BRCA1: variants seen among roughly 807,000 people sequenced by gnomAD.
BRCA1 encodes the protein breast cancer type 1 susceptibility protein.
Under a neutral mutation model 173.7 loss-of-function variants are expected in BRCA1, and 140 were observed. The ratio of observed to expected loss-of-function variants is 0.81; its 90% CI spans 0.70 to 0.93. The LOEUF is 0.93. Among genes scored for constraint, BRCA1 ranks in the 40% least tolerant of loss-of-function variants. The pLI, the probability that BRCA1 is intolerant of heterozygous loss-of-function variation, is 0.00. For synonymous variants in BRCA1, 662 were observed against 756.0 expected (o/e 0.88, Z 2.04); for missense variants, 1,983 against 2,172.5 (o/e 0.91, Z 1.73).
At chr17:43,071,859 T>A in intron 14 of BRCA1, among the ~76,000 whole-genome samples, 1 of 149,566 alleles carries the variant, frequency 6.7e-6, no homozygotes, top group Middle Eastern at 3.2e-3. Flanking sequence ...AAAAAAAAAA[T>A]TAGCTGGGCG....
intron 4 of BRCA1, among the ~76,000 whole-genome samples, chr17:43,105,212 A>C (rs2054709458): frequency 6.6e-6 from 1 of 152,130 alleles, no homozygotes; most frequent in Admixed American, 6.6e-5. Context: ...AGCAGATATA[A>C]TGCATTGCAT....
intron 12 of BRCA1, chr17:43,079,314 A>C: frequency 6.3e-7 from 1 of 1,577,646 alleles, no homozygotes; most frequent in East Asian, 2.2e-5. Flanking sequence ...GACGAACACA[A>C]AGGGAAAGAG....
At chr17:43,048,623 T>C (rs1354896947) in intron 21 of BRCA1, among the ~76,000 whole-genome samples, 1 of 151,132 alleles carries the variant, frequency 6.6e-6, no homozygotes, top group Non-Finnish European at 1.5e-5. Context: ...CAAGCGATGC[T>C]CACACCTCAA....
At chr17:43,139,350 A>G (rs1250161470) in intron 1 of BRCA1, among the ~76,000 whole-genome samples, 1 of 151,528 alleles carries the variant, frequency 6.6e-6, no homozygotes, top group Non-Finnish European at 1.5e-5. Context: ...CACTAGGCCT[A>G]ATACCCGATA....
chr17:43,056,904 G>T, intron 19 of BRCA1, 148 bp downstream of exon 19: 1 of 779,172 alleles, frequency 1.3e-6, no homozygotes, highest in Non-Finnish European at 2.3e-6. Flanking sequence ...TGGGATGGAA[G>T]AGTGAAAAAA....
chr17:43,168,130 T>C (rs796286246), intron 1 of BRCA1: 31 of 334,600 alleles, frequency 9.3e-5, no homozygotes, highest in African/African-American at 6.7e-4. Context: ...GAGATAATCA[T>C]ATAGGAATCC....
At chr17:43,161,322 A>G (rs1336300435) in intron 1 of BRCA1, 5 of 152,216 alleles carry the variant, frequency 3.3e-5, no homozygotes, top group Non-Finnish European at 7.3e-5. Flanking sequence ...CTTGTGCCTA[A>G]GTAGCAGGCC....
chr17:43,083,950 G>A (rs1300490146), intron 11 of BRCA1, among the ~76,000 whole-genome samples: 1 of 151,916 alleles, frequency 6.6e-6, no homozygotes, highest in Non-Finnish European at 1.5e-5. Context: ...TGCAACCTCC[G>A]CCTACCTGGT....
chr17:43,075,821 G>C (rs563825584), intron 13 of BRCA1, among the ~76,000 whole-genome samples: 1 of 152,220 alleles, frequency 6.6e-6, no homozygotes, highest in South Asian at 2.1e-4. Flanking sequence ...ACACATCTCT[G>C]AAAGATATTC....
chr17:43,144,016 C>T (rs1459889204), intron 1 of BRCA1, among the ~76,000 whole-genome samples: 7 of 151,980 alleles, frequency 4.6e-5, no homozygotes, highest in Admixed American at 3.3e-4. Flanking sequence ...GTCAGGAGAT[C>T]GAGACCATCC....
intron 19 of BRCA1, 120 bp from the exon 20 acceptor site, chr17:43,051,237 C>G (rs1597804704): frequency 1.1e-6 from 1 of 906,532 alleles, no homozygotes; most frequent in East Asian, 2.6e-5. Context: ...TTTTCTTTTT[C>G]TTCTGTTCAC....
At chr17:43,128,023 C>CAA (rs61243891), upstream of BRCA1, among the ~76,000 whole-genome samples, 198 of 24,960 alleles carry the variant, frequency 7.9e-3, 21 homozygotes, top group African/African-American at 0.019. Flanking sequence ...GACTCCATCT[C>CAA]AAAAAAAAAA....
At chr17:43,100,814 C>A (rs2054440925) in intron 6 of BRCA1, among the ~76,000 whole-genome samples, 1 of 146,834 alleles carries the variant, frequency 6.8e-6, no homozygotes, top group Non-Finnish European at 1.5e-5. Context: ...ACACTGCAAC[C>A]TCCACCTCCC....
intron 1 of BRCA1, among the ~76,000 whole-genome samples, chr17:43,151,022 G>C (rs1029750149): frequency 3.3e-5 from 5 of 152,102 alleles, no homozygotes; most frequent in African/African-American, 1.2e-4. Context: ...TGAATAGTTG[G>C]GTGGGTGGGG....
intron 1 of BRCA1, among the ~76,000 whole-genome samples, chr17:43,149,916 G>C (rs2056150302): frequency 6.6e-6 from 1 of 151,948 alleles, no homozygotes; most frequent in Non-Finnish European, 1.5e-5. Context: ...AACCACCCGA[G>C]TAGCTGGGAT....
At chr17:43,062,073 G>A (rs2051786414) in intron 18 of BRCA1, among the ~76,000 whole-genome samples, 1 of 151,770 alleles carries the variant, frequency 6.6e-6, no homozygotes, top group South Asian at 2.1e-4. Flanking sequence ...GTATATATAT[G>A]TATATATGCA....
At position 43,092,548 on chromosome 17, in the gene BRCA1, T is replaced by C; in HGVS notation, c.2983A>G (p.Lys995Glu). Residue 995 changes from lysine to glutamate, a missense_variant, in exon 10 of 23, where the codon AAG (lysine) becomes GAG (glutamate). Physicochemically the swap from Lys to Glu is moderately conservative, Grantham distance 56. Coordinates refer to ENST00000357654, the MANE Select transcript of BRCA1 (RefSeq NM_007294.4). ...AAGTTTTCCTCTAGCAGATTTTTCT[T>C]ACATTTAGTTTTAACAAATGACTTG... ...PIKSFVKTKC[K>E]KNLLEENFEE... 6.2e-7 allele frequency: 1 copy of C among 1,614,112 alleles called. No homozygotes were observed. Among genetic ancestry groups the C allele is most frequent in the East Asian group, 2.2e-5 (1 of 44,876 alleles).
chr17:43,163,381 T>C (rs1365107212), intron 1 of BRCA1: 1 of 152,268 alleles, frequency 6.6e-6, no homozygotes, highest in African/African-American at 2.4e-5. Context: ...TTTTAACTCA[T>C]GAAAACCTCG....
At chr17:43,146,811 G>A (rs1002734329) in intron 1 of BRCA1, among the ~76,000 whole-genome samples, 27 of 152,274 alleles carry the variant, frequency 1.8e-4, no homozygotes, top group African/African-American at 6.5e-4. Context: ...CTCTCCTGTT[G>A]AGATCTTCTC....
Sources: gnomAD v4.1 joint callset for allele counts (sites outside exome capture counted in the v4.1 genomes callset) on GRCh38, gnomAD v4.1.1 for gene constraint, MANE v1.5 for transcripts, NCBI Gene and HGNC (gene_info 2026-07-23, HGNC 2026-07-21) for gene names.